NUP210L: variants seen among roughly 807,000 people sequenced by gnomAD.
NUP210L encodes nucleoporin 210 like.
In NUP210L, 74 loss-of-function variants were observed where a neutral mutation model predicts 208.5. That is an observed-to-expected ratio of 0.35 (90% CI 0.29 to 0.43). NUP210L has a LOEUF of 0.43. Ranked by LOEUF, NUP210L falls within the 20% of genes least tolerant of loss-of-function variation. NUP210L has a pLI of 1.00. For missense variants in NUP210L, 1,843 were observed against 2,289.4 expected, an observed-to-expected ratio of 0.81 and a Z score of 3.98; for synonymous variants, 780 against 816.9, an observed-to-expected ratio of 0.95 and a Z score of 0.77.
At chr1:154,032,574 C>T (rs1018323115) in intron 27 of NUP210L, among the ~76,000 whole-genome samples, 45 of 150,408 alleles carry the variant, frequency 3.0e-4, no homozygotes, top group African/African-American at 1.0e-3. Flanking sequence ...GATCTTGGCT[C>T]ACTGCAACCT....
At chr1:154,033,430 C>T (rs767729570) in intron 27 of NUP210L, among the ~76,000 whole-genome samples, 18 of 152,008 alleles carry the variant, frequency 1.2e-4, no homozygotes, top group Non-Finnish European at 2.5e-4. Context: ...TTGCATATGG[C>T]GAGAGATGGG....
At chr1:154,098,871 G>A (rs553404608) in intron 14 of NUP210L, among the ~76,000 whole-genome samples, 4 of 152,318 alleles carry the variant, frequency 2.6e-5, no homozygotes, top group Non-Finnish European at 4.4e-5. Context: ...TCATGGCACC[G>A]AGGCTGTAGG....
At chr1:154,066,015 C>CT (rs1557952076) in intron 17 of NUP210L, among the ~76,000 whole-genome samples, 2 of 151,932 alleles carry the variant, frequency 1.3e-5, no homozygotes, top group African/African-American at 4.8e-5. Flanking sequence ...CAACCTGCTC[C>CT]TGAATGACTA....
rs199559098 is a variant in NUP210L at position 154,017,152 on chromosome 1, G to A, written c.4653+1781C>T. ...AAAAATTAGCTGGGGGTAGTGGCAC[G>A]TGCCTGTAATCCCAGCTACTCAGGA... On this transcript the variant is annotated intron_variant, in intron 33 of 39. Coordinates refer to ENST00000368559, the Ensembl canonical transcript of NUP210L. Among the ~76,000 whole-genome samples the A allele has an allele frequency of 6.3e-4, 96 of 151,884 alleles. 1 individual carries two copies. In the East Asian group the frequency reaches 0.015, roughly 23 times the overall value.
intron 37 of NUP210L, chr1:153,995,874 C>A: frequency 1.8e-6 from 1 of 564,896 alleles, no homozygotes; most frequent in South Asian, 1.4e-5. Flanking sequence ...TAAATGTGTT[C>A]GTGACTGGAT....
chr1:154,043,266 C>T (rs1386041604), intron 27 of NUP210L, among the ~76,000 whole-genome samples: 6 of 151,644 alleles, frequency 4.0e-5, no homozygotes, highest in Admixed American at 1.3e-4. Context: ...GTGATCCACG[C>T]GCCTCGGCCT....
chr1:154,130,696 A>C (rs1270025814), intron 7 of NUP210L, among the ~76,000 whole-genome samples: 1 of 145,828 alleles, frequency 6.9e-6, no homozygotes, highest in Non-Finnish European at 1.5e-5. Context: ...CGATTCTCCT[A>C]CCCTCAGGCC....
chr1:154,027,645 A>G (rs1487946138), intron 28 of NUP210L, 48 bp from the exon 29 acceptor site: 1 of 1,229,082 alleles, frequency 8.1e-7, no homozygotes, highest in African/African-American at 1.5e-5. Flanking sequence ...ACAAATTATG[A>G]CTTTTACTTA....
intron 10 of NUP210L, among the ~76,000 whole-genome samples, chr1:154,121,802 G>A (rs1423857694): frequency 6.6e-6 from 1 of 151,910 alleles, no homozygotes; most frequent in Admixed American, 6.6e-5. Context: ...GGGAGGCGGA[G>A]GTTGCAGTGG....
At chr1:154,082,696 A>T (rs981073803) in intron 16 of NUP210L, among the ~76,000 whole-genome samples, 1 of 152,194 alleles carries the variant, frequency 6.6e-6, no homozygotes, top group Non-Finnish European at 1.5e-5. Flanking sequence ...TTCTTGACCA[A>T]TTACGGAACT....
chr1:154,054,099 G>A, intron 25 of NUP210L, 129 bp downstream of exon 25: 1 of 802,704 alleles, frequency 1.2e-6, no homozygotes. Flanking sequence ...TTGACAGAAT[G>A]CCAGGTAGGG....
intron 27 of NUP210L, among the ~76,000 whole-genome samples, chr1:154,032,290 A>G (rs1238790635): frequency 2.6e-5 from 4 of 152,160 alleles, no homozygotes; most frequent in African/African-American, 9.7e-5. Context: ...ACTATGCTCC[A>G]TAGTGATTGT....
chr1:154,126,757 T>C (rs970931529), intron 9 of NUP210L, among the ~76,000 whole-genome samples: 1 of 152,056 alleles, frequency 6.6e-6, no homozygotes, highest in Non-Finnish European at 1.5e-5. Context: ...CAGGATGAAA[T>C]AAGGACCCTA....
At chr1:154,081,154 T>C (rs1655304430) in intron 16 of NUP210L, among the ~76,000 whole-genome samples, 1 of 151,874 alleles carries the variant, frequency 6.6e-6, no homozygotes, top group Non-Finnish European at 1.5e-5. Flanking sequence ...AAAGTCTGAT[T>C]AGCATAATGA....
intron 37 of NUP210L, chr1:153,995,890 GTGCTC>G: frequency 1.8e-6 from 1 of 557,420 alleles, no homozygotes; most frequent in Non-Finnish European, 3.5e-6. Flanking sequence ...TGGATCAAGT[GTGCTC>G]TCCTTATCGA....
intron 3 of NUP210L, 94 bp downstream of exon 3, chr1:154,143,352 C>G: frequency 9.8e-7 from 1 of 1,019,592 alleles, no homozygotes. Context: ...TTCTAATCTA[C>G]TTTTGCCACT....
intron 37 of NUP210L, among the ~76,000 whole-genome samples, chr1:153,998,375 T>C (rs778786065): frequency 2.0e-5 from 3 of 151,810 alleles, no homozygotes; most frequent in African/African-American, 4.8e-5. Context: ...GCCAACATGG[T>C]GAAACCTTGC....
chr1:154,150,838 T>A (rs979896481), intron 2 of NUP210L, among the ~76,000 whole-genome samples: 1 of 152,064 alleles, frequency 6.6e-6, no homozygotes, highest in African/African-American at 2.4e-5. Flanking sequence ...GTCCAAGGAA[T>A]TAATGAACAA....
chr1:154,059,310 G>A (rs571968745), intron 20 of NUP210L, among the ~76,000 whole-genome samples: 14 of 151,070 alleles, frequency 9.3e-5, no homozygotes, highest in Admixed American at 4.0e-4. Flanking sequence ...ACTTCAGCCT[G>A]GGAAACAGAG....
Sources: allele counts gnomAD v4.1 joint callset (sites outside exome capture counted in the v4.1 genomes callset), GRCh38; gene constraint gnomAD v4.1.1; transcripts MANE v1.5; gene names NCBI Gene and HGNC (gene_info 2026-07-23, HGNC 2026-07-21).